Variants in BAIAP2 observed in about 807,000 individuals in gnomAD.
BAIAP2 encodes the protein BAR/IMD domain-containing adapter protein 2.
Under a neutral mutation model 63.0 loss-of-function variants are expected in BAIAP2, and 18 were observed. The observed-to-expected ratio is 0.29, with a 90% CI of 0.20 to 0.42. The LOEUF is 0.42. BAIAP2 is among the 10% of genes least tolerant of loss of function. The pLI is 1.00. For missense variants in BAIAP2, 610 were observed against 734.3 expected, an observed-to-expected ratio of 0.83 and a Z score of 1.96; for synonymous variants, 386 against 307.6, an observed-to-expected ratio of 1.25 and a Z score of -2.67.
At chr17:81,041,466 G>A (rs1451770580) in intron 1 of BAIAP2, among the ~76,000 whole-genome samples, 1 of 152,246 alleles carries the variant, frequency 6.6e-6, no homozygotes, top group Non-Finnish European at 1.5e-5. Flanking sequence ...TTACAACAGG[G>A]TGCTTTTGCT....
intron 3 of BAIAP2, among the ~76,000 whole-genome samples, chr17:81,076,959 G>A (rs906409627): frequency 2.0e-5 from 3 of 152,160 alleles, no homozygotes; most frequent in Non-Finnish European, 4.4e-5. Flanking sequence ...GACAGAGTGA[G>A]ACCCCTGGCT....
At chr17:81,085,991 C>T (rs776104354) in intron 5 of BAIAP2, among the ~76,000 whole-genome samples, 1 of 152,274 alleles carries the variant, frequency 6.6e-6, no homozygotes, top group African/African-American at 2.4e-5. Context: ...AAGCTGGTGC[C>T]TGACTCTGCT....
At chr17:81,072,000 G>A (rs555502081) in intron 3 of BAIAP2, among the ~76,000 whole-genome samples, 5 of 152,292 alleles carry the variant, frequency 3.3e-5, no homozygotes, top group East Asian at 1.9e-4. Context: ...CTCTGCTTCC[G>A]GCCTCCCCGG....
chr17:81,067,078 G>A (rs967129214), intron 3 of BAIAP2, among the ~76,000 whole-genome samples: 4 of 152,240 alleles, frequency 2.6e-5, no homozygotes, highest in Non-Finnish European at 4.4e-5. Flanking sequence ...CAGATGAGAG[G>A]GAAGCGAGAT....
At chr17:81,055,811 C>A (rs567359742) in intron 2 of BAIAP2, among the ~76,000 whole-genome samples, 3 of 151,980 alleles carry the variant, frequency 2.0e-5, no homozygotes, top group Non-Finnish European at 1.5e-5. Flanking sequence ...GTGATCCGCC[C>A]GCCTCAGCCT....
At position 81,114,848 on chromosome 17, in the gene BAIAP2, G is replaced by A. The variant is rs570790518; in HGVS notation, c.1536-922G>A. The stretch of plus-strand genomic sequence containing the variant: ...TCCCCAGGGTTGTTCCCGGCTGCCC[G>A]GGCTCTTGTGGACCCAGCTGTGCCA... On this transcript the variant is annotated intron_variant, in intron 13 of 13. Transcript: ENST00000428708. Among the ~76,000 whole-genome samples, 4 of 152,296 alleles carry A rather than the reference G, an allele frequency of 2.6e-5. No individual in the cohort carries two copies. In the East Asian group the frequency reaches 5.8e-4, roughly 22 times the overall value.
rs535154131 is a variant in BAIAP2, at chr17:81,085,559, G to A, written c.280-95G>A. The A allele has an allele frequency of 1.4e-5, 14 of 1,021,024 alleles. No individual in the cohort carries two copies. In the South Asian group the frequency reaches 1.7e-4, roughly 12 times the overall value. The allele number at this position is 1,021,024 out of a possible 1,614,324, so 63.2% of individuals were successfully genotyped here. A position where few individuals can be genotyped will look rare whatever the true frequency, so the allele number is the denominator to read the frequency against. On this transcript the variant is annotated intron_variant, in intron 4 of 13. Coordinates refer to ENST00000428708, the MANE Select transcript of BAIAP2 (RefSeq NM_001144888.2). ...CCCTCCTGCACAGCCGGGACACCCG[G>A]TGTCTCGTGCCCATCCGCTCTAGCC...
At chr17:81,075,547 C>A (rs111582023) in intron 3 of BAIAP2, among the ~76,000 whole-genome samples, 8 of 152,230 alleles carry the variant, frequency 5.3e-5, no homozygotes, top group Non-Finnish European at 1.0e-4. Context: ...TCACTAGACG[C>A]GGCTGTGTCA....
intron 1 of BAIAP2, among the ~76,000 whole-genome samples, chr17:81,035,635 C>T (rs1472665648): frequency 6.6e-6 from 1 of 151,086 alleles, no homozygotes; most frequent in African/African-American, 2.4e-5. Flanking sequence ...TTGGCGTCGG[C>T]GGGAACGGAG....
At chr17:81,112,163 C>G (rs945520010) in intron 13 of BAIAP2, among the ~76,000 whole-genome samples, 1 of 152,238 alleles carries the variant, frequency 6.6e-6, no homozygotes, top group South Asian at 2.1e-4. Flanking sequence ...CAGACCCCCC[C>G]ACTCCCCCAG....
At chr17:81,063,126 G>GA (rs893394901) in intron 3 of BAIAP2, among the ~76,000 whole-genome samples, 12 of 152,148 alleles carry the variant, frequency 7.9e-5, no homozygotes, top group African/African-American at 2.4e-4. Context: ...GGGTGAAGGA[G>GA]AGGGGCAAAG....
intron 6 of BAIAP2, chr17:81,097,978 G>A (rs1049487201): frequency 3.5e-6 from 2 of 572,892 alleles, no homozygotes; most frequent in Non-Finnish European, 5.2e-6. Flanking sequence ...CTGTCGGGCT[G>A]GGGTTCTGGA....
intron 13 of BAIAP2, chr17:81,110,218 A>C: frequency 1.0e-6 from 1 of 985,668 alleles, no homozygotes; most frequent in Non-Finnish European, 1.2e-6. Context: ...CGTGGCTGGT[A>C]GTGTTTGTGT....
At chr17:81,091,680 G>T (rs937931191) in intron 6 of BAIAP2, among the ~76,000 whole-genome samples, 1 of 152,230 alleles carries the variant, frequency 6.6e-6, no homozygotes, top group Non-Finnish European at 1.5e-5. Context: ...TTTCTTGAGC[G>T]GGCAGGAGGG....
chr17:81,056,648 G>T (rs372546784), intron 2 of BAIAP2, among the ~76,000 whole-genome samples: 431 of 152,350 alleles, frequency 2.8e-3, no homozygotes, highest in African/African-American at 9.6e-3. Flanking sequence ...GCTCCTGTTT[G>T]GTTCCTCATG....
chr17:81,089,099 C>G (rs545736483), intron 6 of BAIAP2, among the ~76,000 whole-genome samples: 6 of 152,392 alleles, frequency 3.9e-5, no homozygotes, highest in African/African-American at 1.4e-4. Context: ...GATTTACTCC[C>G]GAGGCTGTGT....
chr17:81,062,581 A>G (rs1213701422), intron 3 of BAIAP2, among the ~76,000 whole-genome samples: 1 of 152,114 alleles, frequency 6.6e-6, no homozygotes, highest in Non-Finnish European at 1.5e-5. Flanking sequence ...TCGGCCGTGC[A>G]GAGTCAGCTT....
At chr17:81,067,756 C>T (rs145180603) in intron 3 of BAIAP2, among the ~76,000 whole-genome samples, 1 of 152,244 alleles carries the variant, frequency 6.6e-6, no homozygotes, top group South Asian at 2.1e-4. Flanking sequence ...CCTCCCTGAG[C>T]GCTCACGCCA....
chr17:81,091,417 C>T (rs1437579079), intron 6 of BAIAP2, among the ~76,000 whole-genome samples: 2 of 152,156 alleles, frequency 1.3e-5, no homozygotes, highest in Non-Finnish European at 2.9e-5. Context: ...CCAGCAGCTG[C>T]ACCCTATGCT....
Sources: gnomAD v4.1 joint callset for allele counts (sites outside exome capture counted in the v4.1 genomes callset) on GRCh38, gnomAD v4.1.1 for gene constraint, MANE v1.5 for transcripts, NCBI Gene and HGNC (gene_info 2026-07-23, HGNC 2026-07-21) for gene names.